The following SYNPR variants were observed in gnomAD, a reference collection of about 807,000 sequenced individuals.
SYNPR encodes the protein synaptoporin.
SYNPR carries 23 observed loss-of-function variants against 32.9 expected under a neutral mutation model. That is an observed-to-expected ratio of 0.70 (90% CI 0.50 to 0.99). SYNPR has a LOEUF of 0.99. Among genes scored for constraint, SYNPR ranks in the 50% least tolerant of loss-of-function variants. The probability of loss-of-function intolerance (pLI) is 0.00; values close to 1 mark genes in which losing one functional copy is unlikely to be tolerated. For missense variants in SYNPR, 318 were observed against 349.3 expected, an observed-to-expected ratio of 0.91 and a Z score of 0.71; for synonymous variants, 146 against 135.9, an observed-to-expected ratio of 1.07 and a Z score of -0.52.
In SYNPR at chr3:63,476,830, T is replaced by C. The variant is rs535871220; in HGVS notation, c.85-4002T>C. Among the ~76,000 whole-genome samples the C allele has an allele frequency of 2.0e-5, 3 of 152,344 alleles. No homozygotes were observed. The East Asian group carries it at 5.8e-4, about 29-fold the overall frequency. On this transcript the variant is annotated intron_variant, in intron 2 of 5. Transcript: ENST00000478300. ...AGATTATTTTATTTGTATGTGCTTT[T>C]TGATTGTGTCTCCCATATCTAGCAT...
chr3:63,548,209 G>A (rs748842559), intron 3 of SYNPR, among the ~76,000 whole-genome samples: 15 of 152,134 alleles, frequency 9.9e-5, no homozygotes, highest in Non-Finnish European at 1.8e-4. Context: ...AGAAGTCAGT[G>A]GCTTGGAAAA....
intron 2 of SYNPR, among the ~76,000 whole-genome samples, chr3:63,361,114 T>C (rs1406560380): frequency 6.6e-6 from 1 of 152,194 alleles, no homozygotes; most frequent in Admixed American, 6.5e-5. Flanking sequence ...GATTTGGAAA[T>C]ATCCAGGAGA....
At chr3:63,271,240 G>C (rs1020734404) in intron 3 of SYNPR, among the ~76,000 whole-genome samples, 2 of 152,054 alleles carry the variant, frequency 1.3e-5, no homozygotes, top group Non-Finnish European at 2.9e-5. Flanking sequence ...TGTGTGGGTG[G>C]ATTAGGCAGT....
At chr3:63,441,626 CCT>C in intron 2 of SYNPR, among the ~76,000 whole-genome samples, 1 of 152,280 alleles carries the variant, frequency 6.6e-6, no homozygotes. Context: ...AATTTACTCC[CCT>C]GAGTAACTTC....
chr3:63,423,559 C>T (rs147231130), intron 2 of SYNPR: 20 of 152,312 alleles, frequency 1.3e-4, no homozygotes, highest in East Asian at 7.7e-4. Flanking sequence ...GGCATGTTGA[C>T]GCAGATTTTA....
chr3:63,378,782 A>G (rs2087928352), intron 2 of SYNPR, among the ~76,000 whole-genome samples: 1 of 150,162 alleles, frequency 6.7e-6, no homozygotes. Flanking sequence ...TTCTACTGTT[A>G]TTTATTTATA....
intron 2 of SYNPR, among the ~76,000 whole-genome samples, chr3:63,400,591 C>T (rs1006875713): frequency 6.6e-6 from 1 of 152,158 alleles, no homozygotes; most frequent in African/African-American, 2.4e-5. Flanking sequence ...AGGAGGAAGC[C>T]ACAGTGCCTT....
At chr3:63,467,822 A>T (rs79123813) in intron 2 of SYNPR, among the ~76,000 whole-genome samples, 8,914 of 152,198 alleles carry the variant, frequency 0.059, 918 homozygotes, top group African/African-American at 0.2. Context: ...ATGCATTGTA[A>T]CAAGTTCCTG....
chr3:63,302,012 A>T (rs894036505), intron 2 of SYNPR, among the ~76,000 whole-genome samples: 1 of 151,986 alleles, frequency 6.6e-6, no homozygotes, highest in East Asian at 1.9e-4. Context: ...TAGGCACCCA[A>T]ATATTTCCTA....
At chr3:63,557,416 C>T (rs1702613973) in intron 4 of SYNPR, among the ~76,000 whole-genome samples, 1 of 152,074 alleles carries the variant, frequency 6.6e-6, no homozygotes, top group Admixed American at 6.5e-5. Flanking sequence ...TCAACTACTC[C>T]CATTTTAGAA....
intron 4 of SYNPR, among the ~76,000 whole-genome samples, chr3:63,596,678 G>A (rs566056425): frequency 4.1e-4 from 63 of 152,152 alleles, no homozygotes; most frequent in Non-Finnish European, 8.1e-4. Context: ...TACAGGCCAA[G>A]AGGAATGTGG....
intron 2 of SYNPR, among the ~76,000 whole-genome samples, chr3:63,456,409 T>C (rs1700482559): frequency 6.6e-6 from 1 of 152,108 alleles, no homozygotes; most frequent in African/African-American, 2.4e-5. Flanking sequence ...GAAGAGTAAA[T>C]AATTTGATGA....
chr3:63,442,957 C>T lies in SYNPR; in HGVS notation c.85-37875C>T, dbSNP rs1700207616. 6 of 928,576 alleles carry T rather than the reference C, an allele frequency of 6.5e-6. No homozygotes were observed. In the South Asian group the frequency reaches 3.0e-4, roughly 46 times the overall value. The allele number at this position is 928,576 out of a possible 1,614,324, so 57.5% of individuals were successfully genotyped here. On this transcript the variant is annotated intron_variant, in intron 2 of 5. Transcript: ENST00000478300. ...CATTTTTCCCCATACCCTTAAAACA[C>T]AAAATTCTGGCTTTAAAAAAATCTC...
chr3:63,443,136 G>T, intron 2 of SYNPR: 12 of 1,151,724 alleles, frequency 1.0e-5, no homozygotes, highest in Non-Finnish European at 1.3e-5. Context: ...TCACCATGGT[G>T]GCAGCCACCT....
intron 3 of SYNPR, among the ~76,000 whole-genome samples, chr3:63,527,980 T>C (rs543766604): frequency 6.6e-6 from 1 of 152,170 alleles, no homozygotes; most frequent in Non-Finnish European, 1.5e-5. Context: ...TATTAAATAA[T>C]GCATAGAGAA....
At chr3:63,430,985 C>T (rs1182223698) in intron 2 of SYNPR, among the ~76,000 whole-genome samples, 1 of 152,132 alleles carries the variant, frequency 6.6e-6, no homozygotes, top group Non-Finnish European at 1.5e-5. Flanking sequence ...ATCATGAATC[C>T]CCCACAGGGA....
At chr3:63,398,182 A>G (rs145857661) in intron 2 of SYNPR, among the ~76,000 whole-genome samples, 176 of 152,326 alleles carry the variant, frequency 1.2e-3, no homozygotes, top group African/African-American at 4.2e-3. Flanking sequence ...CAACTCCTAA[A>G]TTAAGAAGGG....
intron 2 of SYNPR, among the ~76,000 whole-genome samples, chr3:63,396,469 C>G (rs1053696463): frequency 6.6e-6 from 1 of 152,070 alleles, no homozygotes; most frequent in East Asian, 1.9e-4. Context: ...AATCAGTATC[C>G]CTTTCAGAAA....
intron 3 of SYNPR, among the ~76,000 whole-genome samples, chr3:63,523,365 G>C (rs1701948318): frequency 6.6e-6 from 1 of 152,084 alleles, no homozygotes; most frequent in Admixed American, 6.6e-5. Context: ...GTTGCTGAGG[G>C]ATGTTAAGGG....
Sources: gnomAD v4.1 joint callset for allele counts (sites outside exome capture counted in the v4.1 genomes callset) on GRCh38, gnomAD v4.1.1 for gene constraint, MANE v1.5 for transcripts, NCBI Gene and HGNC (gene_info 2026-07-23, HGNC 2026-07-21) for gene names.